FBXL13: variants seen among roughly 807,000 people sequenced by gnomAD.
The protein encoded by FBXL13 is F-box and leucine rich repeat protein 13, also known as F-box and leucine-rich repeat protein 13.
FBXL13 carries 67 observed loss-of-function variants against 83.6 expected under a neutral mutation model. That is an observed-to-expected ratio of 0.80 (90% CI 0.66 to 0.98). The LOEUF is 0.98. Among genes scored for constraint, FBXL13 ranks in the 50% least tolerant of loss-of-function variants. The pLI is 0.00. For missense variants in FBXL13, 822 were observed against 866.5 expected (o/e 0.95, Z 0.64); for synonymous variants, 272 against 299.5 (o/e 0.91, Z 0.95).
At chr7:103,040,165 G>A (rs1021293570) in intron 2 of FBXL13, among the ~76,000 whole-genome samples, 15 of 152,070 alleles carry the variant, frequency 9.9e-5, no homozygotes, top group African/African-American at 3.6e-4. Flanking sequence ...AAAAGCAGGG[G>A]TTGCAATCCT....
chr7:102,941,254 T>C (rs1821360235), intron 8 of FBXL13, among the ~76,000 whole-genome samples: 2 of 152,156 alleles, frequency 1.3e-5, no homozygotes, highest in South Asian at 4.1e-4. Context: ...AAGTTAGCAT[T>C]ACATTAGTGT....
intron 6 of FBXL13, among the ~76,000 whole-genome samples, chr7:103,011,555 T>C (rs1427844891): frequency 2.0e-5 from 3 of 151,388 alleles, no homozygotes; most frequent in Admixed American, 1.3e-4. Context: ...GGAGAATCGC[T>C]TGAACCCGGG....
chr7:103,036,772 A>C (rs1392569390), intron 2 of FBXL13, among the ~76,000 whole-genome samples: 1 of 152,170 alleles, frequency 6.6e-6, no homozygotes, highest in African/African-American at 2.4e-5. Context: ...TCGGCCTCCC[A>C]AAGTGTTGGG....
At chr7:102,865,939 T>G (rs1807582428) in intron 16 of FBXL13, among the ~76,000 whole-genome samples, 1 of 152,202 alleles carries the variant, frequency 6.6e-6, no homozygotes, top group Non-Finnish European at 1.5e-5. Context: ...ATCAGCTTCC[T>G]CGGTAGCTGG....
At position 102,834,094 on chromosome 7, in the gene FBXL13, G is replaced by GGAAGGAAGGA. The variant is rs1261823399; in HGVS notation, c.1720-1121_1720-1120insTCCTTCCTTC. 6.0e-3 allele frequency among the ~76,000 whole-genome samples: 521 copies of GGAAGGAAGGA among 86,600 alleles called. 24 individuals are homozygous for GGAAGGAAGGA. Among genetic ancestry groups the GGAAGGAAGGA allele is most frequent in the African/African-American group, 0.013 (234 of 18,230 alleles). 56.8% of individuals were successfully genotyped at this position (86,600 alleles called of 152,430 possible). ...GAAGGAAGGAAGGAAAGAAAAGAAAGAAAGAAAGAAAGAAAGAAAGAAAGA... is the reference window on the plus strand; with the variant it reads ...GAAGGAAGGAAGGAAAGAAAAGAAAGGAAGGAAGGAAAAGAAAGAAAGAAAGAAAGAAAGA... On this transcript the variant is annotated intron_variant, in intron 17 of 19. Transcript: ENST00000313221.
chr7:102,955,992 C>T (rs1313751006), intron 8 of FBXL13, among the ~76,000 whole-genome samples: 1 of 152,080 alleles, frequency 6.6e-6, no homozygotes, highest in Non-Finnish European at 1.5e-5. Flanking sequence ...GAAACTATTC[C>T]AATCAACAGA....
chr7:103,000,768 A>G (rs1035537076), intron 6 of FBXL13, among the ~76,000 whole-genome samples: 1 of 152,188 alleles, frequency 6.6e-6, no homozygotes. Flanking sequence ...TGAATGCTCC[A>G]ATATTGGATG....
intron 2 of FBXL13, among the ~76,000 whole-genome samples, chr7:103,036,136 T>C (rs1795044223): frequency 6.6e-6 from 1 of 152,156 alleles, no homozygotes; most frequent in Non-Finnish European, 1.5e-5. Context: ...ATCTAACTAA[T>C]GCCTGATGAT....
At position 103,033,151 on chromosome 7, in the gene FBXL13, GTTTT is replaced by G. The variant is rs931832080; in HGVS notation, c.1-3737_1-3734del. Among the ~76,000 whole-genome samples, 1,091 of 152,194 alleles carry G rather than the reference GTTTT, an allele frequency of 7.2e-3. 10 individuals carry two copies. Among genetic ancestry groups the G allele is most frequent in the African/African-American group, 0.025 (1,030 of 41,514 alleles). ...TTTGACAGACAAGAGACTAAGAAAG[GTTTT>G]TTTGTTTGTTTTTTGTTTTTGTTTT... On this transcript the variant is annotated intron_variant, in intron 2 of 19. Coordinates refer to ENST00000313221, the Ensembl canonical transcript of FBXL13.
intron 19 of FBXL13, among the ~76,000 whole-genome samples, chr7:102,819,445 C>T (rs1347061354): frequency 2.0e-5 from 3 of 152,102 alleles, no homozygotes; most frequent in African/African-American, 4.8e-5. Context: ...TGCTCATTGA[C>T]CAAAAGTTTG....
At chr7:102,989,210 T>C (rs1440849165) in intron 6 of FBXL13, among the ~76,000 whole-genome samples, 1 of 152,160 alleles carries the variant, frequency 6.6e-6, no homozygotes, top group African/African-American at 2.4e-5. Context: ...AATTGACAAA[T>C]TTGATCTTCC....
At chr7:102,873,079 T>A (rs186437031) in intron 16 of FBXL13, among the ~76,000 whole-genome samples, 41 of 152,342 alleles carry the variant, frequency 2.7e-4, no homozygotes, top group Non-Finnish European at 5.1e-4. Context: ...CTTTCTGGAT[T>A]TCTAAATGTC....
intron 8 of FBXL13, among the ~76,000 whole-genome samples, chr7:102,940,477 T>TGGG: frequency 6.6e-6 from 1 of 152,330 alleles, no homozygotes; most frequent in East Asian, 1.9e-4. Flanking sequence ...CCCAAAGTGC[T>TGGG]GGGATTACAG....
chr7:102,982,684 C>A (rs765143045), intron 6 of FBXL13, among the ~76,000 whole-genome samples: 4 of 152,114 alleles, frequency 2.6e-5, no homozygotes, highest in Non-Finnish European at 4.4e-5. Context: ...TGCCTGCCAC[C>A]ATGTAAGATG....
chr7:103,005,462 T>A lies in FBXL13; in HGVS notation c.495+19601A>T, dbSNP rs1163970687. Among the ~76,000 whole-genome samples the A allele has an allele frequency of 2.0e-5, 3 of 152,236 alleles. No homozygotes were observed. In the East Asian group the frequency reaches 5.8e-4, roughly 29 times the overall value. The stretch of plus-strand genomic sequence containing the variant: ...TGAAAATTAAAGAGTTGTTTTAGTC[T>A]GCTTAGGCTGCCATAAAAAAAAAAT... On this transcript the variant is annotated intron_variant, in intron 6 of 19. Transcript: ENST00000313221.
intron 10 of FBXL13, among the ~76,000 whole-genome samples, chr7:102,918,929 T>C (rs1816453817): frequency 6.6e-6 from 1 of 152,132 alleles, no homozygotes; most frequent in Non-Finnish European, 1.5e-5. Context: ...CACACACACT[T>C]ATATATCATA....
At chr7:103,012,333 C>T (rs1017070333) in intron 6 of FBXL13, among the ~76,000 whole-genome samples, 1 of 150,994 alleles carries the variant, frequency 6.6e-6, no homozygotes, top group Non-Finnish European at 1.5e-5. Flanking sequence ...CGAGATTGTG[C>T]CATTGCACTC....
At chr7:103,021,600 T>C (rs1212698973) in intron 6 of FBXL13, among the ~76,000 whole-genome samples, 3 of 152,174 alleles carry the variant, frequency 2.0e-5, no homozygotes, top group East Asian at 1.9e-4. Context: ...AAAGGGCTAA[T>C]ATCCAGAATC....
intron 6 of FBXL13, among the ~76,000 whole-genome samples, chr7:102,985,505 AG>A (rs1225851505): frequency 5.3e-5 from 8 of 152,218 alleles, no homozygotes; most frequent in South Asian, 2.1e-4. Context: ...ATCCCCAGAA[AG>A]GGGGAGTAGA....
Sources: gnomAD v4.1 joint callset for allele counts (sites outside exome capture counted in the v4.1 genomes callset) on GRCh38, gnomAD v4.1.1 for gene constraint, MANE v1.5 for transcripts, NCBI Gene and HGNC (gene_info 2026-07-23, HGNC 2026-07-21) for gene names.